Variants in RELN observed in about 807,000 individuals in gnomAD.
RELN encodes reelin.
Under a neutral mutation model 427.6 loss-of-function variants are expected in RELN, and 108 were observed. That is an observed-to-expected ratio of 0.25 (90% CI 0.22 to 0.30). The LOEUF (loss-of-function observed/expected upper bound fraction) is 0.30, where lower values mean the gene tolerates loss of function less well. Among genes scored for constraint, RELN ranks in the 10% least tolerant of loss-of-function variants. The pLI is 1.00. For missense variants in RELN, 3,715 were observed against 4,302.8 expected (o/e 0.86, Z 3.82); for synonymous variants, 1,524 against 1,513.4 (o/e 1.01, Z -0.16).
intron 33 of RELN, 23 bp from the exon 34 acceptor site, chr7:103,565,574 G>A (rs1486867589): frequency 1.2e-6 from 2 of 1,605,874 alleles, no homozygotes; most frequent in Non-Finnish European, 1.7e-6. Context: ...AATGTGTAAT[G>A]GTAGCATATA....
chr7:103,980,138 C>A (rs1180892229), intron 1 of RELN, among the ~76,000 whole-genome samples: 4 of 139,360 alleles, frequency 2.9e-5, no homozygotes, highest in Middle Eastern at 4.1e-3. Flanking sequence ...CCAGCCTGGA[C>A]AACAAGAGCG....
intron 47 of RELN, 126 bp from the exon 48 acceptor site, chr7:103,522,325 G>T: frequency 2.1e-6 from 2 of 931,766 alleles, no homozygotes. Context: ...TTTTCAGAGA[G>T]CTTGCCAGAA....
At chr7:103,940,663 T>C (rs1796093395) in intron 1 of RELN, among the ~76,000 whole-genome samples, 2 of 152,198 alleles carry the variant, frequency 1.3e-5, no homozygotes, top group East Asian at 3.8e-4. Flanking sequence ...AAACCTCTCA[T>C]ATCCCTGATA....
At chr7:103,669,507 G>T (rs1017244838) in intron 11 of RELN, among the ~76,000 whole-genome samples, 1 of 152,106 alleles carries the variant, frequency 6.6e-6, no homozygotes, top group Non-Finnish European at 1.5e-5. Flanking sequence ...TTACTCCCCG[G>T]ACTTCAAAGT....
At chr7:103,828,703 T>C (rs551678317) in intron 3 of RELN, among the ~76,000 whole-genome samples, 28 of 152,046 alleles carry the variant, frequency 1.8e-4, no homozygotes, top group South Asian at 2.1e-4. Context: ...CCATATATCA[T>C]ACATATCAAG....
intron 3 of RELN, among the ~76,000 whole-genome samples, chr7:103,818,145 A>C (rs1792925949): frequency 6.6e-6 from 1 of 152,110 alleles, no homozygotes; most frequent in South Asian, 2.1e-4. Context: ...GTTAAAAATA[A>C]CACAGGATTT....
chr7:103,770,413 T>C (rs973949899), intron 4 of RELN, among the ~76,000 whole-genome samples: 16 of 152,154 alleles, frequency 1.1e-4, no homozygotes, highest in Non-Finnish European at 1.8e-4. Context: ...ACAATTCCTT[T>C]TGTAACCTCC....
chr7:103,555,181 C>T lies in RELN; in HGVS notation c.5798-1350G>A, dbSNP rs149207844. Among the ~76,000 whole-genome samples, 299 of 152,206 alleles carry T rather than the reference C, an allele frequency of 2.0e-3. 1 individual carries two copies. Among genetic ancestry groups the T allele is most frequent in the Non-Finnish European group, 3.7e-3 (251 of 68,010 alleles). On this transcript the variant is annotated intron_variant, in intron 38 of 64. Coordinates refer to ENST00000428762, the MANE Select transcript of RELN (RefSeq NM_005045.4). ...GTAGATAATAACGGCAAAAGCCAGG[C>T]TGCTTTTGTAAAGCACTGTTTGGAC... is the stretch of plus-strand genomic sequence containing the variant.
rs111404102 is a variant in RELN, at chr7:103,491,862, A to T, written c.9443+91T>A. On this transcript the variant is annotated intron_variant, in intron 58 of 64. Transcript: ENST00000428762. Reference sequence around the variant, plus strand: ...CTCTCTCTCTCTCTCTCTCTCACACACACACACACACACACACACACACAC... The same window carrying T: ...CTCTCTCTCTCTCTCTCTCTCACACTCACACACACACACACACACACACAC... The T allele has an allele frequency of 1.2e-3, 519 of 434,154 alleles. No homozygotes were observed. In the African/African-American group the frequency reaches 0.013, roughly 11 times the overall value. The allele number at this position is 434,154 out of a possible 1,614,324, so 26.9% of individuals were successfully genotyped here.
At chr7:103,586,012 T>C (rs1016183052) in intron 28 of RELN, among the ~76,000 whole-genome samples, 2 of 152,158 alleles carry the variant, frequency 1.3e-5, no homozygotes, top group Non-Finnish European at 2.9e-5. Flanking sequence ...CATCCATTCA[T>C]GATGTTGATA....
intron 2 of RELN, among the ~76,000 whole-genome samples, chr7:103,842,839 A>C (rs1372450289): frequency 6.6e-6 from 1 of 152,182 alleles, no homozygotes; most frequent in Admixed American, 6.6e-5. Context: ...TTCTAAGTCA[A>C]CTTGATTCTT....
chr7:103,594,174 T>C (rs1015041159), intron 26 of RELN, 147 bp downstream of exon 26: 9 of 858,140 alleles, frequency 1.0e-5, no homozygotes, highest in Admixed American at 1.8e-5. Flanking sequence ...AGTGGTAGCA[T>C]AGAGAGGTAA....
In RELN at chr7:103,589,591, T is replaced by C. The variant is rs1584322590; in HGVS notation, c.4145+5A>G. The C allele has an allele frequency of 6.3e-7, 1 of 1,596,162 alleles. No individual in the cohort carries two copies. Among genetic ancestry groups the C allele is most frequent in the Non-Finnish European group, 8.6e-7 (1 of 1,163,640 alleles). On this transcript the variant is annotated splice_donor_5th_base_variant and intron_variant, in intron 28 of 64. Coordinates refer to ENST00000428762, the MANE Select transcript of RELN (RefSeq NM_005045.4). ...GCCCAAACCCATTAAGAATGATTAC[T>C]TTACCTGGATGCAAGAGACCTTGGA...
intron 2 of RELN, among the ~76,000 whole-genome samples, chr7:103,859,413 C>T (rs890975522): frequency 2.0e-5 from 3 of 152,140 alleles, no homozygotes; most frequent in African/African-American, 4.8e-5. Context: ...CCTGCCTCAG[C>T]CTCCTGAGTA....
rs575622982 is a variant in RELN at position 103,988,725 on chromosome 7, C to A, written c.226+406G>T. 1.6e-3 allele frequency among the ~76,000 whole-genome samples: 237 copies of A among 152,090 alleles called. No individual in the cohort carries two copies. The highest frequency in any genetic ancestry group is 5.4e-3 in the African/African-American group (225 of 41,478). On this transcript the variant is annotated intron_variant, in intron 1 of 64. Coordinates refer to ENST00000428762, the MANE Select transcript of RELN (RefSeq NM_005045.4). This position sits in a 1 kb window ranked among gnomAD's most constrained non-coding sequence, Gnocchi z 4.9. ...CAAAGCCCAGCGACAGCCCCCAACG[C>A]CCCCCCGGGGACCCATCTGGGGGGA... is the stretch of plus-strand genomic sequence containing the variant.
At chr7:103,666,964 C>T (rs1361508045) in intron 11 of RELN, among the ~76,000 whole-genome samples, 2 of 152,208 alleles carry the variant, frequency 1.3e-5, no homozygotes, top group African/African-American at 4.8e-5. Flanking sequence ...CTCTAATCTT[C>T]AGCCTTCGAT....
chr7:103,859,756 TC>T (rs1410759486), intron 2 of RELN, among the ~76,000 whole-genome samples: 2 of 152,158 alleles, frequency 1.3e-5, no homozygotes, highest in African/African-American at 4.8e-5. Flanking sequence ...ATTATAGAGT[TC>T]CAAGCCTAAC....
At chr7:103,520,959 T>TTA (rs1829689457) in intron 48 of RELN, among the ~76,000 whole-genome samples, 2 of 49,688 alleles carry the variant, frequency 4.0e-5, no homozygotes, top group African/African-American at 1.2e-4. Context: ...AATTTGTTAT[T>TTA]TTTTTTTTTT....
intron 12 of RELN, among the ~76,000 whole-genome samples, chr7:103,660,894 T>C (rs774993329): frequency 6.6e-6 from 1 of 152,194 alleles, no homozygotes; most frequent in Non-Finnish European, 1.5e-5. Flanking sequence ...TATGAACACA[T>C]GTTTTTCTTA....
Sources: allele counts gnomAD v4.1 joint callset (sites outside exome capture counted in the v4.1 genomes callset), GRCh38; gene constraint gnomAD v4.1.1; non-coding constraint Gnocchi (gnomAD v3.1); transcripts MANE v1.5; gene names NCBI Gene and HGNC (gene_info 2026-07-23, HGNC 2026-07-21).